The following CPNE4 variants were observed in gnomAD, a reference collection of about 807,000 sequenced individuals.
CPNE4 encodes copine-4.
Under a neutral mutation model 67.9 loss-of-function variants are expected in CPNE4, and 25 were observed. The ratio of observed to expected loss-of-function variants is 0.37; its 90% confidence interval spans 0.27 to 0.51. The LOEUF is 0.51. Among genes scored for constraint, CPNE4 ranks in the 20% least tolerant of loss-of-function variants. The probability of loss-of-function intolerance (pLI) is 0.93; values close to 1 mark genes in which losing one functional copy is unlikely to be tolerated. For synonymous variants in CPNE4, 242 were observed against 244.9 expected, an observed-to-expected ratio of 0.99 and a Z score of 0.11; for missense variants, 464 against 690.8, an observed-to-expected ratio of 0.67 and a Z score of 3.68.
intron 2 of CPNE4, among the ~76,000 whole-genome samples, chr3:131,747,449 G>A (rs1223455920): frequency 7.0e-6 from 1 of 142,226 alleles, no homozygotes; most frequent in African/African-American, 2.4e-5. Context: ...GTTGATTTTT[G>A]TATATGATAA....
At chr3:131,708,678 TG>T (rs1275274928) in intron 3 of CPNE4, among the ~76,000 whole-genome samples, 1 of 151,884 alleles carries the variant, frequency 6.6e-6, no homozygotes, top group Admixed American at 6.6e-5. Context: ...CTGCTCAGGC[TG>T]GGGATGGCGA....
chr3:131,663,917 G>C (rs2080193977), intron 7 of CPNE4, among the ~76,000 whole-genome samples: 1 of 152,050 alleles, frequency 6.6e-6, no homozygotes, highest in East Asian at 1.9e-4. Flanking sequence ...TGCACCATGG[G>C]CTCAGTTAAT....
At chr3:131,979,120 T>C (rs1043509311) in intron 1 of CPNE4, among the ~76,000 whole-genome samples, 2 of 152,146 alleles carry the variant, frequency 1.3e-5, no homozygotes, top group Non-Finnish European at 2.9e-5. Context: ...ATATGGTCTG[T>C]CTTAGAGAAA....
chr3:131,889,555 A>G (rs1342140273), intron 2 of CPNE4, among the ~76,000 whole-genome samples: 2 of 152,252 alleles, frequency 1.3e-5, no homozygotes, highest in African/African-American at 4.8e-5. Flanking sequence ...GAGATAAACC[A>G]GCCAAGAGTT....
At chr3:131,625,867 G>A (rs1027443384) in intron 7 of CPNE4, among the ~76,000 whole-genome samples, 11 of 152,160 alleles carry the variant, frequency 7.2e-5, no homozygotes, top group African/African-American at 2.4e-4. Flanking sequence ...GTCTATCAGT[G>A]TCATTTTTCC....
intron 2 of CPNE4, among the ~76,000 whole-genome samples, chr3:131,736,940 C>T (rs2082248581): frequency 6.6e-6 from 1 of 152,032 alleles, no homozygotes. Context: ...CAATTCACTA[C>T]CAACCACTTG....
chr3:131,559,016 A>G (rs1045150669), intron 11 of CPNE4, among the ~76,000 whole-genome samples: 2 of 151,962 alleles, frequency 1.3e-5, no homozygotes, highest in Admixed American at 1.3e-4. Context: ...AATCTTAACC[A>G]TCATAGTCCA....
intron 7 of CPNE4, among the ~76,000 whole-genome samples, chr3:131,615,071 G>A (rs1467791157): frequency 6.6e-6 from 1 of 152,182 alleles, no homozygotes; most frequent in Non-Finnish European, 1.5e-5. Context: ...CAAAGTTTGT[G>A]ATTCAGTAAG....
At chr3:131,757,878 G>C (rs1460514125) in intron 2 of CPNE4, among the ~76,000 whole-genome samples, 1 of 152,232 alleles carries the variant, frequency 6.6e-6, no homozygotes, top group Non-Finnish European at 1.5e-5. Flanking sequence ...TGTGGCTTCA[G>C]AGGGTGGAAG....
At chr3:131,826,744 G>C (rs2085175271) in intron 2 of CPNE4, among the ~76,000 whole-genome samples, 1 of 152,146 alleles carries the variant, frequency 6.6e-6, no homozygotes, top group South Asian at 2.1e-4. Flanking sequence ...TAAAACTTCA[G>C]TCTCAGGTCA....
intron 2 of CPNE4, among the ~76,000 whole-genome samples, chr3:131,832,209 C>T (rs1056216322): frequency 6.6e-6 from 1 of 152,056 alleles, no homozygotes; most frequent in East Asian, 1.9e-4. Flanking sequence ...TGTAAACTCC[C>T]AAAACTCATA....
chr3:131,548,359 T>TCTTATTGTAGAG (rs1254145828), intron 14 of CPNE4, among the ~76,000 whole-genome samples: 1 of 152,226 alleles, frequency 6.6e-6, no homozygotes, highest in Non-Finnish European at 1.5e-5. Context: ...AGTGAACAAG[T>TCTTATTGTAGAG]CTTATTGTAG....
chr3:131,898,366 G>C (rs765234535), intron 2 of CPNE4, among the ~76,000 whole-genome samples: 9 of 152,092 alleles, frequency 5.9e-5, no homozygotes, highest in Non-Finnish European at 1.3e-4. Context: ...CCAGAATGTG[G>C]CTTGCCAGTT....
intron 2 of CPNE4, among the ~76,000 whole-genome samples, chr3:131,850,325 C>T (rs1276729864): frequency 6.6e-6 from 1 of 152,082 alleles, no homozygotes; most frequent in African/African-American, 2.4e-5. Flanking sequence ...TGAAGGCATT[C>T]TGCTGTCTGT....
At chr3:131,788,634 T>A (rs542340959) in intron 2 of CPNE4, among the ~76,000 whole-genome samples, 47 of 152,252 alleles carry the variant, frequency 3.1e-4, no homozygotes, top group Admixed American at 2.6e-3. Context: ...TACTTTTAAA[T>A]GTTTTCCCTA....
At chr3:131,861,547 C>T (rs561552748) in intron 2 of CPNE4, among the ~76,000 whole-genome samples, 1 of 152,168 alleles carries the variant, frequency 6.6e-6, no homozygotes, top group East Asian at 1.9e-4. Flanking sequence ...TCTCCTGCCT[C>T]AGCCTCCCAA....
rs1935058267 is a variant in CPNE4, at chr3:131,535,090, G to T, written c.*105C>A. ...TCACCAAAACGTGCTATTTTTAAAT[G>T]TGTATATGTTGTTGGTTTTTTAAAG... On this transcript the variant is annotated 3_prime_UTR_variant, in exon 16 of 16. Coordinates refer to ENST00000429747, the MANE Select transcript of CPNE4 (RefSeq NM_130808.3). 2 of 1,221,270 alleles carry T rather than the reference G, an allele frequency of 1.6e-6. No individual in the cohort carries two copies. The highest frequency in any genetic ancestry group is 2.6e-5 in the Admixed American group (1 of 38,016). 75.7% of individuals were successfully genotyped at this position (1,221,270 alleles called of 1,614,324 possible).
At chr3:131,933,166 C>T (rs1372767918) in intron 1 of CPNE4, among the ~76,000 whole-genome samples, 8 of 152,046 alleles carry the variant, frequency 5.3e-5, no homozygotes, top group African/African-American at 1.7e-4. Context: ...AATAACTTGA[C>T]ATCACGTGAG....
intron 1 of CPNE4, among the ~76,000 whole-genome samples, chr3:132,016,613 A>G (rs1052537723): frequency 3.3e-5 from 5 of 152,224 alleles, no homozygotes; most frequent in South Asian, 4.1e-4. Context: ...AACTGGGGTA[A>G]CAAAAATAAA....
Sources: gnomAD v4.1 joint callset for allele counts (sites outside exome capture counted in the v4.1 genomes callset) on GRCh38, gnomAD v4.1.1 for gene constraint, MANE v1.5 for transcripts, NCBI Gene and HGNC (gene_info 2026-07-23, HGNC 2026-07-21) for gene names.